Variants in ITCH observed in about 807,000 individuals in gnomAD.
ITCH encodes the protein E3 ubiquitin-protein ligase Itchy homolog.
In ITCH, 28 loss-of-function variants were observed where a neutral mutation model predicts 126.8. The observed-to-expected ratio is 0.22, with a 90% CI of 0.16 to 0.30. The LOEUF (loss-of-function observed/expected upper bound fraction) is 0.30, where lower values mean the gene tolerates loss of function less well. ITCH is among the 10% of genes least tolerant of loss of function. ITCH has a pLI of 1.00. For synonymous variants in ITCH, 342 were observed against 340.0 expected, an observed-to-expected ratio of 1.01 and a Z score of -0.06; for missense variants, 631 against 1,032.4, an observed-to-expected ratio of 0.61 and a Z score of 5.33.
intron 6 of ITCH, chr20:34,417,102 T>C: frequency 2.4e-6 from 1 of 425,448 alleles, no homozygotes; most frequent in Non-Finnish European, 4.4e-6. Context: ...TAGGTAGACT[T>C]TTTTTTTTTT....
intron 12 of ITCH, among the ~76,000 whole-genome samples, chr20:34,452,095 T>C (rs1411197315): frequency 6.7e-6 from 1 of 149,894 alleles, no homozygotes; most frequent in Non-Finnish European, 1.5e-5. Context: ...AAAAAAAAGT[T>C]GCAGAAAAAC....
In ITCH at chr20:34,386,113, T is replaced by G. The variant is rs142202677; in HGVS notation, c.-21-7678T>G. 7.8e-3 allele frequency among the ~76,000 whole-genome samples: 1,190 copies of G among 151,922 alleles called. 15 individuals carry two copies. Among genetic ancestry groups the G allele is most frequent in the African/African-American group, 0.027 (1,132 of 41,404 alleles). ...CTCCTTTGTTTTTTTTTTTGTTTTGTTTTGTTTTTTTGAGGCAGAGTCTTG... is the reference window on the plus strand; with the variant it reads ...CTCCTTTGTTTTTTTTTTTGTTTTGGTTTGTTTTTTTGAGGCAGAGTCTTG... On this transcript the variant is annotated intron_variant, in intron 2 of 24. Transcript: ENST00000374864.
chr20:34,438,671 C>A (rs756805806), intron 8 of ITCH, 40 bp downstream of exon 8: 1 of 1,607,552 alleles, frequency 6.2e-7, no homozygotes, highest in South Asian at 1.1e-5. Flanking sequence ...AAATAATGTC[C>A]TGGTTGGCAA....
chr20:34,385,152 C>T (rs1246571672), intron 2 of ITCH, among the ~76,000 whole-genome samples: 1 of 149,252 alleles, frequency 6.7e-6, no homozygotes, highest in Non-Finnish European at 1.5e-5. Context: ...GGAGCTGGGA[C>T]CACAGTAGGC....
intron 2 of ITCH, among the ~76,000 whole-genome samples, chr20:34,384,422 A>G (rs894475939): frequency 2.0e-5 from 3 of 150,954 alleles, no homozygotes; most frequent in African/African-American, 7.3e-5. Flanking sequence ...CTGGGATTAC[A>G]GGCATGCGCC....
intron 23 of ITCH, among the ~76,000 whole-genome samples, chr20:34,503,066 A>G (rs1990364012): frequency 3.3e-5 from 5 of 152,200 alleles, no homozygotes; most frequent in Admixed American, 3.3e-4. Context: ...ATTTTAATTT[A>G]TGTGTTGAAC....
At chr20:34,488,715 A>G (rs932776406) in intron 20 of ITCH, among the ~76,000 whole-genome samples, 2 of 152,070 alleles carry the variant, frequency 1.3e-5, no homozygotes, top group Non-Finnish European at 2.9e-5. Flanking sequence ...CCTGTCTCAA[A>G]AAACAAAAAC....
At chr20:34,405,688 A>G (rs557751197) in intron 3 of ITCH, among the ~76,000 whole-genome samples, 34 of 152,322 alleles carry the variant, frequency 2.2e-4, no homozygotes, top group African/African-American at 6.5e-4. Flanking sequence ...TAGACCAGAA[A>G]TGTATTAAAA....
In ITCH at chr20:34,438,179, C is replaced by T. The variant is rs79996112; in HGVS notation, c.522-295C>T. Among the ~76,000 whole-genome samples, 692 of 152,216 alleles carry T rather than the reference C, an allele frequency of 4.5e-3. 5 individuals are homozygous for T. The highest frequency in any genetic ancestry group is 0.016 in the African/African-American group (656 of 41,526). ...TGACTTTGTTCCTGTTCATATAGGG[C>T]CTTCTGAAGGCTTATTTGAAATATG... On this transcript the variant is annotated intron_variant, in intron 7 of 24. Transcript: ENST00000374864.
intron 23 of ITCH, among the ~76,000 whole-genome samples, chr20:34,503,577 A>G (rs1990397428): frequency 6.6e-6 from 1 of 152,188 alleles, no homozygotes; most frequent in African/African-American, 2.4e-5. Flanking sequence ...TATTTAAATC[A>G]AGTTTTATTG....
At chr20:34,476,415 C>G in intron 16 of ITCH, 1 of 1,237,112 alleles carries the variant, frequency 8.1e-7, no homozygotes, top group Non-Finnish European at 1.0e-6. Context: ...ACCGGCCGGC[C>G]GGGTCGCCGA....
intron 11 of ITCH, among the ~76,000 whole-genome samples, chr20:34,446,205 A>C (rs1389280645): frequency 1.3e-5 from 2 of 152,180 alleles, no homozygotes; most frequent in African/African-American, 4.8e-5. Context: ...TCTCTATGCC[A>C]AACAAGATGG....
intron 23 of ITCH, among the ~76,000 whole-genome samples, chr20:34,494,058 G>A (rs1248053317): frequency 9.9e-5 from 15 of 152,080 alleles, no homozygotes; most frequent in South Asian, 8.3e-4. Flanking sequence ...GTGAGACCCC[G>A]TCTCTACTAA....
At chr20:34,440,065 C>G in intron 8 of ITCH, 90 bp from the exon 9 acceptor site, 1 of 897,844 alleles carries the variant, frequency 1.1e-6, no homozygotes, top group Non-Finnish European at 1.8e-6. Context: ...TTATATTTAT[C>G]ATCTGCCTTT....
Position 34,476,032 on chromosome 20 carries a change from C to G in ITCH, c.1570-1740C>G. ...TTGTCAAACAGATTTGGCAGCCCAA[C>G]TGTGATCTGTTAGTCCATATGCCAG... On this transcript the variant is annotated intron_variant, in intron 16 of 24. Transcript: ENST00000374864. 4 of 1,527,346 alleles carry G rather than the reference C, an allele frequency of 2.6e-6. No homozygotes were observed. The South Asian group carries it at 4.5e-5, about 17-fold the overall frequency. The allele number at this position is 1,527,346 out of a possible 1,614,324, so 94.6% of individuals were successfully genotyped here. A position where few individuals can be genotyped will look rare whatever the true frequency, so the allele number is the denominator to read the frequency against.
chr20:34,401,077 A>G (rs2038868592), intron 3 of ITCH, among the ~76,000 whole-genome samples: 1 of 152,018 alleles, frequency 6.6e-6, no homozygotes, highest in South Asian at 2.1e-4. Flanking sequence ...AATTTTTTAT[A>G]AAGACACATT....
chr20:34,375,008 T>G (rs2037780356), intron 2 of ITCH, among the ~76,000 whole-genome samples: 2 of 151,774 alleles, frequency 1.3e-5, no homozygotes, highest in Admixed American at 1.3e-4. Flanking sequence ...CCCAAAGTGC[T>G]GGGATTACAG....
At chr20:34,473,124 A>G (rs1314735422) in intron 16 of ITCH, among the ~76,000 whole-genome samples, 5 of 152,258 alleles carry the variant, frequency 3.3e-5, no homozygotes, top group African/African-American at 9.6e-5. Flanking sequence ...ATAAGAGAAC[A>G]ATTTGATTGC....
At chr20:34,373,314 C>A (rs1170243455) in intron 2 of ITCH, among the ~76,000 whole-genome samples, 1 of 148,230 alleles carries the variant, frequency 6.7e-6, no homozygotes, top group African/African-American at 2.5e-5. Flanking sequence ...GTCTTGTTCT[C>A]GCCCAGGCTG....
Sources: gnomAD v4.1 joint callset for allele counts (sites outside exome capture counted in the v4.1 genomes callset) on GRCh38, gnomAD v4.1.1 for gene constraint, MANE v1.5 for transcripts, NCBI Gene and HGNC (gene_info 2026-07-23, HGNC 2026-07-21) for gene names.